TRPM7: variants seen among roughly 807,000 people sequenced by gnomAD.
The protein encoded by TRPM7 is transient receptor potential cation channel subfamily M member 7.
A neutral mutation model predicts 229.7 loss-of-function variants in TRPM7; 134 were observed. That is an observed-to-expected ratio of 0.58 (90% CI 0.51 to 0.67). The LOEUF (loss-of-function observed/expected upper bound fraction) is 0.67, where lower values mean the gene tolerates loss of function less well. Among genes scored for constraint, TRPM7 ranks in the 30% least tolerant of loss-of-function variants. The probability of loss-of-function intolerance (pLI) is 0.00; values close to 1 mark genes in which losing one functional copy is unlikely to be tolerated. For missense variants in TRPM7, 1,901 were observed against 2,210.0 expected (o/e 0.86, Z 2.80); for synonymous variants, 699 against 715.2 (o/e 0.98, Z 0.36).
chr15:50,612,903 TA>T (rs2060101974), intron 15 of TRPM7, 74 bp from the exon 16 acceptor site: 1 of 1,340,860 alleles, frequency 7.5e-7, no homozygotes, highest in South Asian at 1.4e-5. Flanking sequence ...AAAATTTTAG[TA>T]AAATATCTTT....
chr15:50,668,358 G>A (rs2061927277), intron 1 of TRPM7, among the ~76,000 whole-genome samples: 1 of 152,128 alleles, frequency 6.6e-6, no homozygotes, highest in Admixed American at 6.5e-5. Context: ...TTGTTTTGCA[G>A]TCAAGGATTT....
intron 1 of TRPM7, among the ~76,000 whole-genome samples, chr15:50,671,369 G>C (rs1352256403): frequency 6.6e-6 from 1 of 151,990 alleles, no homozygotes; most frequent in Non-Finnish European, 1.5e-5. Flanking sequence ...GCCCATCCAG[G>C]TCACAAAAAA....
intron 33 of TRPM7, among the ~76,000 whole-genome samples, 200 bp from the exon 34 acceptor site, chr15:50,575,335 T>G (rs1250914732): frequency 6.6e-6 from 1 of 152,212 alleles, no homozygotes; most frequent in Non-Finnish European, 1.5e-5. Context: ...ATGTGTAATG[T>G]TAGGCATTTT....
chr15:50,579,756 T>C (rs1461972047), intron 30 of TRPM7, among the ~76,000 whole-genome samples: 2 of 152,188 alleles, frequency 1.3e-5, no homozygotes, highest in Non-Finnish European at 2.9e-5. Flanking sequence ...CCCAGGTTTA[T>C]TTTCTTCTTT....
chr15:50,569,362 G>T (rs926695310), intron 38 of TRPM7, among the ~76,000 whole-genome samples: 2 of 152,106 alleles, frequency 1.3e-5, no homozygotes, highest in African/African-American at 2.4e-5. Flanking sequence ...TCCTGTTCCT[G>T]CTTGATCAAA....
chr15:50,666,194 C>G (rs1376165668), intron 1 of TRPM7, among the ~76,000 whole-genome samples: 1 of 151,914 alleles, frequency 6.6e-6, no homozygotes, highest in African/African-American at 2.4e-5. Context: ...TTTATCAAGA[C>G]TGAACAAGAA....
rs368780814 is a variant in TRPM7, at chr15:50,561,761, C to T, written c.5515G>A (p.Asp1839Asn). The T allele has an allele frequency of 5.1e-5, 82 of 1,612,480 alleles. No individual in the cohort carries two copies. Among genetic ancestry groups the T allele is most frequent in the Non-Finnish European group, 6.6e-5 (78 of 1,179,696 alleles). The change falls in exon 39 of 39, where the codon GAT (aspartate) becomes AAT (asparagine). Residue 1839 changes from aspartate (D) to asparagine (N), a missense_variant. Transcript: ENST00000646667. ...TGAAGATTCAAATCTGAAGGCTCATCCTGAGGAAATATAATTTTATCAGGC... is the reference window on the plus strand; with the variant it reads ...TGAAGATTCAAATCTGAAGGCTCATTCTGAGGAAATATAATTTTATCAGGC... ...YTPDKIIFPQ[D>N]EPSDLNLQPG... is the part of the protein sequence containing the mutation.
At chr15:50,658,373 G>C (rs1043262290) in intron 2 of TRPM7, among the ~76,000 whole-genome samples, 4 of 151,510 alleles carry the variant, frequency 2.6e-5, no homozygotes, top group Admixed American at 6.6e-5. Context: ...AGGAGTTTAA[G>C]ATCAGCCTGG....
chr15:50,620,644 T>C (rs768221967), intron 12 of TRPM7, among the ~76,000 whole-genome samples: 1 of 152,156 alleles, frequency 6.6e-6, no homozygotes, highest in Non-Finnish European at 1.5e-5. Flanking sequence ...ACAATATTTA[T>C]TTAGGGCTGG....
chr15:50,660,253 T>C (rs553784030), intron 2 of TRPM7, among the ~76,000 whole-genome samples: 2 of 151,914 alleles, frequency 1.3e-5, no homozygotes, highest in Non-Finnish European at 1.5e-5. Context: ...AAAGAACTAA[T>C]CAAAAACATT....
intron 9 of TRPM7, among the ~76,000 whole-genome samples, 163 bp from the exon 10 acceptor site, chr15:50,631,652 T>C (rs56118429): frequency 5.3e-5 from 8 of 151,904 alleles, no homozygotes; most frequent in Admixed American, 5.2e-4. Context: ...AATATATTTA[T>C]GTATATAGTT....
intron 24 of TRPM7, among the ~76,000 whole-genome samples, chr15:50,594,032 T>A (rs918587317): frequency 6.6e-6 from 1 of 152,184 alleles, no homozygotes; most frequent in South Asian, 2.1e-4. Context: ...CCCTCACGTA[T>A]CTACTCAGAG....
At chr15:50,682,080 A>C (rs1240277709) in intron 1 of TRPM7, among the ~76,000 whole-genome samples, 1 of 150,168 alleles carries the variant, frequency 6.7e-6, no homozygotes, top group Non-Finnish European at 1.5e-5. Context: ...CGAGAGGCTG[A>C]GGCAGGAGAA....
At chr15:50,666,427 TGA>T (rs758291128) in intron 1 of TRPM7, among the ~76,000 whole-genome samples, 2 of 146,206 alleles carry the variant, frequency 1.4e-5, no homozygotes, top group Non-Finnish European at 3.0e-5. Context: ...GGTGACAGAA[TGA>T]GAGAAGGGAG....
At chr15:50,587,537 C>A (rs1352179615) in intron 27 of TRPM7, among the ~76,000 whole-genome samples, 1 of 150,966 alleles carries the variant, frequency 6.6e-6, no homozygotes, top group Non-Finnish European at 1.5e-5. Context: ...CAAGGAGTAC[C>A]TGCCACTTAA....
intron 36 of TRPM7, among the ~76,000 whole-genome samples, chr15:50,571,674 G>A (rs2053894613): frequency 6.6e-6 from 1 of 152,160 alleles, no homozygotes; most frequent in Non-Finnish European, 1.5e-5. Flanking sequence ...TTGTGTATAT[G>A]TCTTCACAGA....
At chr15:50,618,280 T>C (rs1353248505) in intron 13 of TRPM7, among the ~76,000 whole-genome samples, 1 of 152,140 alleles carries the variant, frequency 6.6e-6, no homozygotes, top group Non-Finnish European at 1.5e-5. Flanking sequence ...TAGATGTTTT[T>C]TACTTTTAAA....
chr15:50,608,344 T>C (rs1245465103), intron 19 of TRPM7, among the ~76,000 whole-genome samples: 1 of 150,344 alleles, frequency 6.7e-6, no homozygotes, highest in Non-Finnish European at 1.5e-5. Flanking sequence ...TGGGTAAGAA[T>C]CCTCTCATCT....
At chr15:50,686,333 C>T (rs1358898688) in intron 1 of TRPM7, among the ~76,000 whole-genome samples, 198 bp downstream of exon 1, 1 of 152,226 alleles carries the variant, frequency 6.6e-6, no homozygotes, top group African/African-American at 2.4e-5. Context: ...TCGCCTCTAA[C>T]TTGCTACCTG....
Sources: allele counts gnomAD v4.1 joint callset (sites outside exome capture counted in the v4.1 genomes callset), GRCh38; gene constraint gnomAD v4.1.1; transcripts MANE v1.5; gene names NCBI Gene and HGNC (gene_info 2026-07-23, HGNC 2026-07-21).